Variants in RADX observed in about 807,000 individuals in gnomAD.
RADX encodes the protein RPA-related protein RADX.
Under a neutral mutation model 61.6 loss-of-function variants are expected in RADX, and 36 were observed. The observed-to-expected ratio is 0.58, with a 90% confidence interval of 0.45 to 0.77. RADX has a LOEUF of 0.77. Among genes scored for constraint, RADX ranks in the 30% least tolerant of loss-of-function variants. The pLI, the probability that RADX is intolerant of heterozygous loss-of-function variation, is 0.00. For synonymous variants in RADX, 272 were observed against 237.9 expected, an observed-to-expected ratio of 1.14 and a Z score of -1.32; for missense variants, 497 against 651.1, an observed-to-expected ratio of 0.76 and a Z score of 2.58.
chrX:106,668,071 TA>T (rs768954797), intron 12 of RADX, among the ~76,000 whole-genome samples: 17 of 111,860 alleles, frequency 1.5e-4, no homozygotes, highest in African/African-American at 5.2e-4. Context: ...TACCAAATTT[TA>T]GTAATCCTTA....
intron 6 of RADX, among the ~76,000 whole-genome samples, chrX:106,634,818 T>C (rs964669393): frequency 4.5e-5 from 5 of 112,156 alleles, no homozygotes; most frequent in African/African-American, 1.6e-4. Context: ...CAGCTTCCTT[T>C]TTGTTTGTTT....
At chrX:106,656,547 A>G (rs1927944902) in intron 11 of RADX, among the ~76,000 whole-genome samples, 1 of 111,969 alleles carries the variant, frequency 8.9e-6, no homozygotes, top group Admixed American at 9.5e-5. Flanking sequence ...CTATAGCCTT[A>G]TGAAATGCAT....
At chrX:106,624,292 T>C (rs978405231) in intron 2 of RADX, among the ~76,000 whole-genome samples, 5 of 111,509 alleles carry the variant, frequency 4.5e-5, no homozygotes, top group Non-Finnish European at 9.4e-5. Flanking sequence ...TACATAGGTC[T>C]ATCAGAGCAT....
chrX:106,654,282 C>G (rs1240044335), intron 11 of RADX, among the ~76,000 whole-genome samples: 1 of 106,719 alleles, frequency 9.4e-6, no homozygotes, highest in Non-Finnish European at 1.9e-5. Flanking sequence ...TCTCTAATGA[C>G]TAGTGATGAT....
rs1334175575 is a variant in RADX at position 106,662,298 on chromosome X, C to CATACT, written c.2264_2268dup (p.Gly757TyrfsTer2). ...GAAGCCTTGGACATTTTGAAGTAAC[C>CATACT]ATACTAGGTAAGTTCACTGTTCTTT... On this transcript the variant is annotated frameshift_variant, in exon 12 of 14. Transcript: ENST00000372548. LOFTEE classifies it high-confidence loss of function. 1 of 1,193,090 alleles carries CATACT rather than the reference C, an allele frequency of 8.4e-7. No individual in the cohort carries two copies. The highest frequency in any genetic ancestry group is 1.1e-6 in the Non-Finnish European group (1 of 884,672).
chrX:106,622,823 T>A, intron 2 of RADX, 30 bp downstream of exon 2: 1 of 950,816 alleles, frequency 1.1e-6, no homozygotes, highest in East Asian at 3.3e-5. Context: ...ATATGTTAAT[T>A]TAAAAGTTAT....
chrX:106,631,792 GA>G (rs1927232216), intron 3 of RADX, among the ~76,000 whole-genome samples: 1 of 100,299 alleles, frequency 1.0e-5, no homozygotes, highest in African/African-American at 3.7e-5. Flanking sequence ...AGAAAAGAAA[GA>G]GAAAGAAAGA....
At chrX:106,624,051 C>T (rs761095247) in intron 2 of RADX, among the ~76,000 whole-genome samples, 1 of 111,165 alleles carries the variant, frequency 9.0e-6, no homozygotes, top group Non-Finnish European at 1.9e-5. Flanking sequence ...ACCAAATTGC[C>T]CTACCTGGAA....
chrX:106,678,482 G>T lies in RADX; in HGVS notation c.*224G>T. 3.6e-6 allele frequency: 1 copy of T among 275,278 alleles called. No individual in the cohort carries two copies. The highest frequency in any genetic ancestry group is 6.4e-6 in the Non-Finnish European group (1 of 155,325). 22.7% of individuals were successfully genotyped at this position (275,278 alleles called of 1,213,427 possible). ...ATCAAAATAATTTTTGTGTATAAGG[G>T]AATTTACCTTGCTTACCTTACTAGT... On this transcript the variant is annotated 3_prime_UTR_variant, in exon 14 of 14. Coordinates refer to ENST00000372548, the MANE Select transcript of RADX (RefSeq NM_018015.6).
chrX:106,678,056 G>A, intron 13 of RADX, 72 bp from the exon 14 acceptor site: 1 of 711,677 alleles, frequency 1.4e-6, no homozygotes, highest in Non-Finnish European at 2.1e-6. Context: ...AAAATTAACA[G>A]CTTATGTGAT....
chrX:106,647,157 G>C (rs1927677550), intron 10 of RADX, among the ~76,000 whole-genome samples: 1 of 110,227 alleles, frequency 9.1e-6, no homozygotes, highest in Non-Finnish European at 1.9e-5. Flanking sequence ...CCCAGCCTCT[G>C]GTAACCATTC....
At chrX:106,658,964 A>ATTTTT (rs71937728) in intron 11 of RADX, among the ~76,000 whole-genome samples, 1 of 96,145 alleles carries the variant, frequency 1.0e-5, no homozygotes, top group African/African-American at 3.7e-5. Context: ...ATCCCATTAC[A>ATTTTT]TTTTTTTTTT....
intron 1 of RADX, among the ~76,000 whole-genome samples, chrX:106,621,193 A>G (rs1298828436): frequency 1.8e-5 from 2 of 112,305 alleles, no homozygotes; most frequent in Non-Finnish European, 3.8e-5. Context: ...ATCAAATGTT[A>G]GGACCTGTGA....
At chrX:106,662,330 A>C (rs1015568278) in intron 12 of RADX, 25 bp downstream of exon 12, 2 of 1,137,799 alleles carry the variant, frequency 1.8e-6, no homozygotes, top group African/African-American at 3.7e-5. Flanking sequence ...CTTTTTGCAT[A>C]TCATTAATTT....
Position 106,669,303 on chromosome X carries a change from C to T in RADX, c.2410C>T (p.Arg804Ter), listed in dbSNP as rs1419661345. The T allele has an allele frequency of 8.3e-7, 1 of 1,200,517 alleles. No individual in the cohort carries two copies. Residue 804 changes from arginine to a stop codon, truncating the protein, a stop_gained, in exon 13 of 14, where the codon CGA becomes TGA. Transcript: ENST00000372548. LOFTEE classifies it high-confidence loss of function. ...AYPQDTTGND[R>*]LPGPRAVAGD... ...TCCACAGGACACAACTGGAAATGACCGATTGCCAGGTCCAAGAGCGGTTGC... is the reference window on the plus strand; with the variant it reads ...TCCACAGGACACAACTGGAAATGACTGATTGCCAGGTCCAAGAGCGGTTGC...
At chrX:106,644,187 T>G (rs1927599504) in intron 10 of RADX, among the ~76,000 whole-genome samples, 2 of 111,686 alleles carry the variant, frequency 1.8e-5, no homozygotes, top group African/African-American at 6.5e-5. Flanking sequence ...GTCTTTAAGT[T>G]TTTCCAAATA....
rs751682107 is a variant in RADX, at chrX:106,639,665, C to T, written c.1712C>T (p.Ala571Val). ...YIPHSSATES[A>V]SASETLRNAN... ...CCCCATAGCAGTGCGACTGAAAGTG[C>T]CTCAGCATCAGAAACACTTCGGGTA... The change falls in exon 9 of 14, where the codon GCC (alanine) becomes GTC (valine). Residue 571 changes from alanine to valine, a missense_variant. By Grantham distance (64) the Ala-to-Val change is moderately conservative. Around this residue, in one of 3 missense-constraint regions of RADX, gnomAD observed 267 missense variants for 306.9 expected, o/e 0.87. Coordinates refer to ENST00000372548, the MANE Select transcript of RADX (RefSeq NM_018015.6). The T allele has an allele frequency of 1.7e-6, 2 of 1,188,015 alleles. No homozygotes were observed. The highest frequency in any genetic ancestry group is 1.1e-6 in the Non-Finnish European group (1 of 884,854).
intron 8 of RADX, chrX:106,638,318 A>T (rs1290429961): frequency 8.6e-6 from 1 of 116,147 alleles, no homozygotes; most frequent in African/African-American, 3.3e-5. Flanking sequence ...GCTGGAGTGC[A>T]GTGGCGGGAT....
At chrX:106,631,265 A>G (rs1034960617) in intron 3 of RADX, among the ~76,000 whole-genome samples, 17 of 112,396 alleles carry the variant, frequency 1.5e-4, no homozygotes, top group East Asian at 5.6e-4. Context: ...CAACAATTCA[A>G]TAGAACAATG....
Sources: allele counts gnomAD v4.1 joint callset (sites outside exome capture counted in the v4.1 genomes callset), GRCh38; gene constraint gnomAD v4.1.1; regional missense constraint gnomAD v4.1.1; transcripts MANE v1.5; gene names NCBI Gene and HGNC (gene_info 2026-07-23, HGNC 2026-07-21).